Variants in ALG9 observed in about 807,000 individuals in gnomAD.
ALG9 encodes the protein alpha-1,2-mannosyltransferase ALG9.
Under a neutral mutation model 81.8 loss-of-function variants are expected in ALG9, and 55 were observed. The observed-to-expected ratio is 0.67, with a 90% confidence interval of 0.54 to 0.84. ALG9 has a LOEUF of 0.84. Among genes scored for constraint, ALG9 ranks in the 40% least tolerant of loss-of-function variants. The probability of loss-of-function intolerance (pLI) is 0.00; values close to 1 mark genes in which losing one functional copy is unlikely to be tolerated. For missense variants in ALG9, 629 were observed against 745.0 expected (o/e 0.84, Z 1.81); for synonymous variants, 278 against 274.3 (o/e 1.01, Z -0.13).
At chr11:111,866,831 C>T (rs566958874) in intron 3 of ALG9, among the ~76,000 whole-genome samples, 3 of 151,340 alleles carry the variant, frequency 2.0e-5, no homozygotes, top group Non-Finnish European at 4.4e-5. Flanking sequence ...CAGTGGCTCA[C>T]GCCCGTAATC....
intron 14 of ALG9, among the ~76,000 whole-genome samples, chr11:111,799,287 C>A (rs1479074272): frequency 6.6e-6 from 1 of 152,134 alleles, no homozygotes; most frequent in Non-Finnish European, 1.5e-5. Flanking sequence ...GCTGGGACTA[C>A]AGGCATGCAC....
downstream of ALG9, among the ~76,000 whole-genome samples, chr11:111,781,711 A>T (rs1232121200): frequency 1.3e-5 from 2 of 151,822 alleles, no homozygotes; most frequent in Admixed American, 6.6e-5. Context: ...GGAATGGTGC[A>T]ATCTTGGCTC....
In ALG9 at chr11:111,784,290, C is replaced by A. The variant is rs1255536325; in HGVS notation, c.*2107G>T. The A allele has an allele frequency of 6.6e-6, 1 of 152,268 alleles. No homozygotes were observed. The highest frequency in any genetic ancestry group is 1.5e-5 in the Non-Finnish European group (1 of 68,060). 9.4% of individuals were successfully genotyped at this position (152,268 alleles called of 1,614,324 possible). Reference sequence around the variant, plus strand: ...ACCTATTACCTCTCCAGCGCTTCAACTCCGTCTCTGATATTCCTGCAGAGG... The same window carrying A: ...ACCTATTACCTCTCCAGCGCTTCAAATCCGTCTCTGATATTCCTGCAGAGG... On this transcript the variant is annotated 3_prime_UTR_variant, in exon 15 of 15. Transcript: ENST00000616540.
intron 14 of ALG9, among the ~76,000 whole-genome samples, chr11:111,797,746 A>G (rs1393147217): frequency 2.0e-5 from 3 of 152,194 alleles, no homozygotes; most frequent in African/African-American, 7.2e-5. Context: ...TATAAGTGCA[A>G]TGGACTCTGT....
intron 8 of ALG9, among the ~76,000 whole-genome samples, chr11:111,847,192 T>C (rs1190270869): frequency 1.3e-5 from 2 of 150,314 alleles, no homozygotes; most frequent in Non-Finnish European, 3.0e-5. Flanking sequence ...TCAAGAGAAA[T>C]GATTAACAAA....
the ALG9 span, among the ~76,000 whole-genome samples, chr11:111,776,448 G>A: frequency 6.6e-6 from 1 of 152,080 alleles, no homozygotes; most frequent in Non-Finnish European, 1.5e-5. Flanking sequence ...AAGTTAGCCA[G>A]GCGTGGTGGC....
At chr11:111,808,976 GAGCCTGA>G (rs1399284253) in intron 14 of ALG9, among the ~76,000 whole-genome samples, 1 of 152,144 alleles carries the variant, frequency 6.6e-6, no homozygotes, top group East Asian at 1.9e-4. Flanking sequence ...GCTGAGCCTT[GAGCCTGA>G]AAATAATGAA....
chr11:111,781,578 G>C (rs527943666), downstream of ALG9, among the ~76,000 whole-genome samples: 61 of 152,266 alleles, frequency 4.0e-4, no homozygotes, highest in Middle Eastern at 3.4e-3. Flanking sequence ...ACTTAAGATG[G>C]ATCCAGGACT....
chr11:111,782,218 CTCTT>C lies in ALG9; in HGVS notation c.*4175_*4178del, dbSNP rs1328587335. On this transcript the variant is annotated 3_prime_UTR_variant, in exon 15 of 15. Transcript: ENST00000616540. ...AATCAAACTGCTACAATTTATTTAACTCTTTCTTTCACAGGAAATATAAGTATGT... is the reference window on the plus strand; with the variant it reads ...AATCAAACTGCTACAATTTATTTAACTCTTTCACAGGAAATATAAGTATGT... The C allele has an allele frequency of 1.3e-5, 2 of 152,234 alleles. No homozygotes were observed. The highest frequency in any genetic ancestry group is 2.4e-5 in the African/African-American group (1 of 41,470). 9.4% of individuals were successfully genotyped at this position (152,234 alleles called of 1,614,324 possible).
Position 111,786,281 on chromosome 11 carries a change from G to A in ALG9, c.*116C>T. The A allele has an allele frequency of 6.6e-7, 1 of 1,504,922 alleles. No homozygotes were observed. The highest frequency in any genetic ancestry group is 9.2e-7 in the Non-Finnish European group (1 of 1,084,514). 93.2% of individuals were successfully genotyped at this position (1,504,922 alleles called of 1,614,324 possible). ...ACTAGCCCAGAGCACCCAGATTCCA[G>A]TATTCATGTCAGAAGACCTTTATTA... is the stretch of plus-strand genomic sequence containing the variant. On this transcript the variant is annotated 3_prime_UTR_variant, in exon 15 of 15. Coordinates refer to ENST00000616540, the MANE Select transcript of ALG9 (RefSeq NM_024740.2).
intron 3 of ALG9, 100 bp from the exon 4 acceptor site, chr11:111,865,351 T>C (rs1179998316): frequency 6.7e-6 from 6 of 900,376 alleles, no homozygotes; most frequent in African/African-American, 5.1e-5. Flanking sequence ...ACACTGTAAA[T>C]TGGTATAATT....
intron 8 of ALG9, among the ~76,000 whole-genome samples, chr11:111,845,558 TACTC>T (rs1956832216): frequency 6.6e-6 from 1 of 152,172 alleles, no homozygotes; most frequent in Admixed American, 6.5e-5. Flanking sequence ...ACACAAGTCT[TACTC>T]ACACTATTTT....
downstream of ALG9, among the ~76,000 whole-genome samples, chr11:111,780,640 G>C (rs1352971986): frequency 6.6e-6 from 1 of 151,972 alleles, no homozygotes; most frequent in Admixed American, 6.6e-5. Flanking sequence ...CAAGTGATCT[G>C]CCCGCCTCAG....
rs45586335 is a variant in ALG9, at chr11:111,819,267, G to C, written c.1603-9494C>G. ...CCAAAGCCCCACAAGTCCTAAGACAGGAAGGATGTGAAGTTGCATTCAATC... is the reference window on the plus strand; with the variant it reads ...CCAAAGCCCCACAAGTCCTAAGACACGAAGGATGTGAAGTTGCATTCAATC... On this transcript the variant is annotated intron_variant, in intron 13 of 14. Transcript: ENST00000616540. Among the ~76,000 whole-genome samples the C allele has an allele frequency of 3.5e-3, 527 of 152,368 alleles. 3 individuals carry two copies. The highest frequency in any genetic ancestry group is 6.1e-3 in the Non-Finnish European group (417 of 68,038).
At chr11:111,864,302 C>G in intron 4 of ALG9, 1 of 1,076,654 alleles carries the variant, frequency 9.3e-7, no homozygotes, top group East Asian at 2.4e-5. Context: ...GGTTCAACAG[C>G]CCCGGCTGGA....
intron 12 of ALG9, 34 bp downstream of exon 12, chr11:111,837,434 C>T: frequency 6.2e-7 from 1 of 1,612,752 alleles, no homozygotes; most frequent in African/African-American, 1.3e-5. Flanking sequence ...TTTACTCCTT[C>T]ATTTAAAACC....
At chr11:111,859,767 G>A (rs1959378288) in intron 5 of ALG9, among the ~76,000 whole-genome samples, 1 of 151,928 alleles carries the variant, frequency 6.6e-6, no homozygotes, top group African/African-American at 2.4e-5. Flanking sequence ...TATTCAATAA[G>A]GGAAAAGTAA....
chr11:111,849,921 A>G (rs538438112), intron 8 of ALG9: 1 of 152,342 alleles, frequency 6.6e-6, no homozygotes, highest in African/African-American at 2.4e-5. Flanking sequence ...CTGGAGCAGG[A>G]GACTCTTGTA....
intron 14 of ALG9, among the ~76,000 whole-genome samples, chr11:111,802,140 G>T (rs1336060376): frequency 6.6e-6 from 1 of 152,054 alleles, no homozygotes; most frequent in Non-Finnish European, 1.5e-5. Context: ...CCAACTTAAG[G>T]TCACGGTTAC....
Sources: allele counts gnomAD v4.1 joint callset (sites outside exome capture counted in the v4.1 genomes callset), GRCh38; gene constraint gnomAD v4.1.1; transcripts MANE v1.5; gene names NCBI Gene and HGNC (gene_info 2026-07-23, HGNC 2026-07-21).